Variants in HK1 observed in about 807,000 individuals in gnomAD.
HK1 encodes hexokinase-1.
Under a neutral mutation model 91.6 loss-of-function variants are expected in HK1, and 28 were observed. The ratio of observed to expected loss-of-function variants is 0.31; its 90% confidence interval spans 0.23 to 0.42. The LOEUF is 0.42. Ranked by LOEUF, HK1 falls within the 10% of genes least tolerant of loss-of-function variation. HK1 has a pLI of 1.00. For synonymous variants in HK1, 430 were observed against 468.1 expected (o/e 0.92, Z 1.05); for missense variants, 770 against 1,219.8 (o/e 0.63, Z 5.49).
rs1220695409 is a variant in HK1 at position 69,395,115 on chromosome 10, C to T, written c.2375+10C>T. ...TCTCTCAGATCGAGAGGTGAGTGGG[C>T]AGTGTCTTCCCTGCCAGCGCCCACC... On this transcript the variant is annotated intron_variant, in intron 16 of 17. Transcript: ENST00000359426. 6.2e-7 allele frequency: 1 copy of T among 1,613,000 alleles called. No individual in the cohort carries two copies. The highest frequency in any genetic ancestry group is 1.1e-5 in the South Asian group (1 of 90,778).
In HK1 at chr10:69,360,042, C is replaced by T. The variant is rs200234561; in HGVS notation, c.372C>T (p.Ser124=). The change falls in exon 3 of 18, where the codon AGC becomes AGT. Residue 124 remains serine (S), a synonymous_variant. Transcript: ENST00000359426. ...TPENIVHGSG[S]QLFDHVAECL... Reference sequence around the variant, plus strand: ...AGAACATCGTGCACGGCAGTGGAAGCCAGGTGGGTCCCTGCTCCCTCCGGG... The same window carrying T: ...AGAACATCGTGCACGGCAGTGGAAGTCAGGTGGGTCCCTGCTCCCTCCGGG... 5.9e-5 allele frequency: 95 copies of T among 1,613,746 alleles called. 2 individuals carry two copies. The South Asian group carries it at 1.0e-3, about 17-fold the overall frequency.
At position 69,357,742 on chromosome 10, in the gene HK1, C is replaced by T. The variant is rs537894577; in HGVS notation, c.227-2155C>T. Reference sequence around the variant, plus strand: ...TGCTGGGATTACAGGCATGAGCCACCGCACCTGGCCACTGTATGATTTCAT... The same window carrying T: ...TGCTGGGATTACAGGCATGAGCCACTGCACCTGGCCACTGTATGATTTCAT... On this transcript the variant is annotated intron_variant, in intron 2 of 17. Coordinates refer to ENST00000359426, the MANE Select transcript of HK1 (RefSeq NM_000188.3). 2.2e-4 allele frequency among the ~76,000 whole-genome samples: 33 copies of T among 152,192 alleles called. 1 individual carries two copies. Among genetic ancestry groups the T allele is most frequent in the Middle Eastern group, 6.8e-3 (2 of 294 alleles).
At chr10:69,301,066 T>C (rs528944241) in intron 5 of HK1, among the ~76,000 whole-genome samples, 1 of 151,882 alleles carries the variant, frequency 6.6e-6, no homozygotes, top group East Asian at 1.9e-4. Flanking sequence ...TTCAGACTGG[T>C]GAAACCCAGT....
At chr10:69,390,614 T>G (rs926120412) in intron 14 of HK1, among the ~76,000 whole-genome samples, 27 of 152,236 alleles carry the variant, frequency 1.8e-4, no homozygotes, top group Non-Finnish European at 1.5e-5. Context: ...TACTTAAGTT[T>G]CTTCAAAGGG....
In HK1 at chr10:69,396,436, C is replaced by T. The variant is rs114025022; in HGVS notation, c.2375+1331C>T. 1.3e-3 allele frequency among the ~76,000 whole-genome samples: 195 copies of T among 152,238 alleles called. 1 individual carries two copies. The highest frequency in any genetic ancestry group is 4.4e-3 in the African/African-American group (184 of 41,554). ...TAGTCGCACAGCTATCACCACCATC[C>T]ATTTCCGGAACTCTTTTCATCTTCT... On this transcript the variant is annotated intron_variant, in intron 16 of 17. Coordinates refer to ENST00000359426, the MANE Select transcript of HK1 (RefSeq NM_000188.3).
chr10:69,376,107 C>T (rs528982408), intron 7 of HK1, among the ~76,000 whole-genome samples: 1 of 152,134 alleles, frequency 6.6e-6, no homozygotes, highest in South Asian at 2.1e-4. Flanking sequence ...GTCCTGACAG[C>T]GGCCCCAGGG....
chr10:69,318,513 C>T (rs1245677614), upstream of HK1, among the ~76,000 whole-genome samples: 1 of 152,222 alleles, frequency 6.6e-6, no homozygotes, highest in Non-Finnish European at 1.5e-5. Context: ...CGCACCTCCC[C>T]GCCTGGCACG....
chr10:69,371,921 T>C (rs1900466), intron 7 of HK1, among the ~76,000 whole-genome samples: 6,479 of 152,278 alleles, frequency 0.043, 438 homozygotes, highest in African/African-American at 0.14. Context: ...TCTCTTTTCT[T>C]GAATATGTTT....
chr10:69,353,163 A>G (rs1397658993), intron 2 of HK1, among the ~76,000 whole-genome samples: 1 of 152,178 alleles, frequency 6.6e-6, no homozygotes, highest in Non-Finnish European at 1.5e-5. Flanking sequence ...GGAACCAACC[A>G]TGTGATCAGA....
chr10:69,333,522 G>A (rs991601263), intron 1 of HK1, among the ~76,000 whole-genome samples: 1 of 152,090 alleles, frequency 6.6e-6, no homozygotes, highest in Admixed American at 6.6e-5. Context: ...TCTCTTTCTG[G>A]GCAAGGACTT....
chr10:69,295,553 A>T, intron 3 of HK1: 1 of 913,852 alleles, frequency 1.1e-6, no homozygotes, highest in Non-Finnish European at 1.8e-6. Context: ...GTGATTGATT[A>T]GTTATAAGCA....
intron 7 of HK1, among the ~76,000 whole-genome samples, chr10:69,370,765 C>T (rs1453899188): frequency 6.6e-6 from 1 of 152,144 alleles, no homozygotes; most frequent in East Asian, 1.9e-4. Context: ...ATCTCCGTAT[C>T]TCCAATGTCA....
intron 4 of HK1, among the ~76,000 whole-genome samples, chr10:69,297,041 C>G (rs2132483793): frequency 1.3e-5 from 2 of 152,240 alleles, no homozygotes; most frequent in Admixed American, 1.3e-4. Context: ...GGACACTGAC[C>G]ACCCCCACAT....
intron 2 of HK1, among the ~76,000 whole-genome samples, chr10:69,285,603 C>T (rs905032045): frequency 1.3e-5 from 2 of 152,090 alleles, no homozygotes; most frequent in Admixed American, 1.3e-4. Context: ...ATGATGGTGC[C>T]TGTGCCAGAT....
At chr10:69,331,891 ATTT>A (rs58250913) in intron 1 of HK1, among the ~76,000 whole-genome samples, 2 of 150,656 alleles carry the variant, frequency 1.3e-5, no homozygotes, top group African/African-American at 4.9e-5. Context: ...AAAAAAAAAA[ATTT>A]TTTTTCTGAT....
intron 7 of HK1, among the ~76,000 whole-genome samples, chr10:69,370,355 C>T (rs1359479856): frequency 6.6e-6 from 1 of 152,040 alleles, no homozygotes. Context: ...CAAATTATCC[C>T]CTGCTGCATG....
intron 1 of HK1, chr10:69,338,819 A>C: frequency 1.4e-6 from 1 of 730,380 alleles, no homozygotes; most frequent in Non-Finnish European, 1.9e-6. Flanking sequence ...AAAAGGAAGG[A>C]GGAGAGTAAA....
At chr10:69,362,719 G>A (rs759828669) in intron 3 of HK1, among the ~76,000 whole-genome samples, 2 of 152,116 alleles carry the variant, frequency 1.3e-5, no homozygotes, top group Non-Finnish European at 2.9e-5. Flanking sequence ...CCCTTCACCC[G>A]GCCTTCTCTC....
intron 4 of HK1, among the ~76,000 whole-genome samples, chr10:69,297,649 C>T (rs1845633204): frequency 6.7e-6 from 1 of 148,556 alleles, no homozygotes; most frequent in African/African-American, 2.6e-5. Context: ...AATCCCAGCA[C>T]TTTGGAAGGC....
Sources: allele counts gnomAD v4.1 joint callset (sites outside exome capture counted in the v4.1 genomes callset), GRCh38; gene constraint gnomAD v4.1.1; transcripts MANE v1.5; gene names NCBI Gene and HGNC (gene_info 2026-07-23, HGNC 2026-07-21).